EBF2: variants seen among roughly 807,000 people sequenced by gnomAD.
The protein encoded by EBF2 is transcription factor COE2.
In EBF2, 21 loss-of-function variants were observed where a neutral mutation model predicts 72.8. The ratio of observed to expected loss-of-function variants is 0.29; its 90% CI spans 0.20 to 0.42. The LOEUF (loss-of-function observed/expected upper bound fraction) is 0.42. EBF2 is among the 10% of genes least tolerant of loss of function. The pLI is 1.00. For missense variants in EBF2, 637 were observed against 731.2 expected, an observed-to-expected ratio of 0.87 and a Z score of 1.49; for synonymous variants, 299 against 274.2, an observed-to-expected ratio of 1.09 and a Z score of -0.89.
chr8:25,890,898 A>G (rs1274924816), intron 7 of EBF2, among the ~76,000 whole-genome samples: 1 of 152,220 alleles, frequency 6.6e-6, no homozygotes, highest in East Asian at 1.9e-4. Flanking sequence ...TAATACATAT[A>G]AAGGATTCAG....
intron 10 of EBF2, among the ~76,000 whole-genome samples, chr8:25,864,518 A>C (rs900584489): frequency 1.3e-5 from 2 of 151,952 alleles, no homozygotes; most frequent in Non-Finnish European, 1.5e-5. Flanking sequence ...ACACACACAC[A>C]CACACACAAA....
intron 5 of EBF2, among the ~76,000 whole-genome samples, chr8:26,038,364 G>C (rs535308857): frequency 6.6e-6 from 1 of 152,134 alleles, no homozygotes; most frequent in African/African-American, 2.4e-5. Context: ...TAAACTAGAG[G>C]CTTTAAAAAT....
rs191690745 is a variant in EBF2, at chr8:25,858,057, A to C, written c.1528+262T>G. The C allele has an allele frequency of 2.4e-3, 1,444 of 614,132 alleles. 20 individuals carry two copies. The highest frequency in any genetic ancestry group is 7.8e-3 in the South Asian group (517 of 65,892). 38.0% of individuals were successfully genotyped at this position (614,132 alleles called of 1,614,324 possible). A position where few individuals can be genotyped will look rare whatever the true frequency, so the allele number is the denominator to read the frequency against. On this transcript the variant is annotated intron_variant, in intron 14 of 15. Transcript: ENST00000520164. The stretch of plus-strand genomic sequence containing the variant: ...GAATCTTAATTCCTTGCTTCCACTT[A>C]CACAGGCCACACATGCTCTTTCTCT...
At chr8:26,041,776 G>A (rs1252013258) in intron 2 of EBF2, among the ~76,000 whole-genome samples, 1 of 152,192 alleles carries the variant, frequency 6.6e-6, no homozygotes, top group Non-Finnish European at 1.5e-5. Context: ...ACCCAGAGAA[G>A]GGGAGCGGCG....
intron 14 of EBF2, among the ~76,000 whole-genome samples, chr8:25,856,333 T>G (rs1802091134): frequency 6.6e-6 from 1 of 152,222 alleles, no homozygotes; most frequent in Non-Finnish European, 1.5e-5. Flanking sequence ...AGAGGGAATT[T>G]CCTATGGTTT....
At chr8:25,857,820 C>A (rs1312002158) in intron 14 of EBF2, among the ~76,000 whole-genome samples, 1 of 152,162 alleles carries the variant, frequency 6.6e-6, no homozygotes, top group Non-Finnish European at 1.5e-5. Context: ...GTGTGATACA[C>A]AAAATAACTC....
At chr8:25,997,268 G>C (rs547708092) in intron 6 of EBF2, among the ~76,000 whole-genome samples, 8 of 152,094 alleles carry the variant, frequency 5.3e-5, no homozygotes, top group Non-Finnish European at 8.8e-5. Flanking sequence ...TCATGCAATA[G>C]TTAAGAAAAA....
intron 10 of EBF2, among the ~76,000 whole-genome samples, chr8:25,880,161 C>A (rs995708059): frequency 6.6e-6 from 1 of 152,090 alleles, no homozygotes; most frequent in Admixed American, 6.6e-5. Context: ...AGGAATAAGT[C>A]TTTTTATACT....
At chr8:25,895,137 T>C (rs1802847050) in intron 7 of EBF2, among the ~76,000 whole-genome samples, 1 of 152,168 alleles carries the variant, frequency 6.6e-6, no homozygotes, top group Admixed American at 6.5e-5. Flanking sequence ...TTTCTTAGAG[T>C]TGATACATCT....
At chr8:25,925,940 T>C (rs1222230895) in intron 6 of EBF2, among the ~76,000 whole-genome samples, 1 of 152,168 alleles carries the variant, frequency 6.6e-6, no homozygotes, top group Non-Finnish European at 1.5e-5. Context: ...AGACTCTGAT[T>C]ATAAATATTG....
intron 14 of EBF2, 83 bp from the exon 15 acceptor site, chr8:25,850,844 T>C: frequency 6.9e-7 from 1 of 1,451,692 alleles, no homozygotes; most frequent in South Asian, 1.4e-5. Flanking sequence ...ATTGAGAAAT[T>C]GTTAATTTCC....
chr8:25,956,824 T>C (rs1409604672), intron 6 of EBF2, among the ~76,000 whole-genome samples: 1 of 152,204 alleles, frequency 6.6e-6, no homozygotes, highest in Non-Finnish European at 1.5e-5. Flanking sequence ...ATTTAAACAG[T>C]ATTCTCTCCC....
At chr8:26,041,165 T>C (rs1805593481) in intron 2 of EBF2, 163 bp from the exon 3 acceptor site, 1 of 747,900 alleles carries the variant, frequency 1.3e-6, no homozygotes, top group East Asian at 2.7e-5. Flanking sequence ...CATCTGCCTG[T>C]CCTTGGCCGC....
At chr8:25,845,147 C>T (rs2117240700) in intron 15 of EBF2, among the ~76,000 whole-genome samples, 1 of 152,114 alleles carries the variant, frequency 6.6e-6, no homozygotes. Context: ...ATTAGCTCAT[C>T]TTCCTTTGGT....
At chr8:25,976,983 T>G (rs989619854) in intron 6 of EBF2, among the ~76,000 whole-genome samples, 1 of 152,228 alleles carries the variant, frequency 6.6e-6, no homozygotes, top group Non-Finnish European at 1.5e-5. Context: ...TTTACCCAGC[T>G]GTAAGTGATT....
At chr8:25,912,498 A>ACAC (rs60144558) in intron 6 of EBF2, among the ~76,000 whole-genome samples, 2 of 134,068 alleles carry the variant, frequency 1.5e-5, no homozygotes, top group South Asian at 2.5e-4. Flanking sequence ...ACACACACAC[A>ACAC]ACAGGAAGAA....
intron 6 of EBF2, among the ~76,000 whole-genome samples, chr8:25,937,889 A>G (rs1803605122): frequency 6.6e-6 from 1 of 152,182 alleles, no homozygotes; most frequent in Non-Finnish European, 1.5e-5. Flanking sequence ...CATAATCTTC[A>G]AATAGCTGAG....
At chr8:25,989,985 C>T (rs997311831) in intron 6 of EBF2, among the ~76,000 whole-genome samples, 26 of 152,168 alleles carry the variant, frequency 1.7e-4, no homozygotes, top group Admixed American at 3.3e-4. Flanking sequence ...TCCCTAGTGG[C>T]TCTCTCCTGT....
Position 25,844,625 on chromosome 8 carries a change from A to G in EBF2, c.1712T>C (p.Val571Ala). 1.2e-6 allele frequency: 2 copies of G among 1,614,026 alleles called. No homozygotes were observed. Residue 571 changes from valine to alanine, a missense_variant, in exon 16 of 16, where the codon GTT becomes GCT. Val to Ala is a moderately conservative substitution (Grantham distance 64). Transcript: ENST00000520164. ...GNGFRAMTGL[V>A]VPPM is the part of the protein sequence containing the mutation. ...AGTTCTTCTTTACATCGGGGGTACA[A>G]CAAGTCCGGTCATGGCTGCAAGGAA...
Sources: gnomAD v4.1 joint callset for allele counts (sites outside exome capture counted in the v4.1 genomes callset) on GRCh38, gnomAD v4.1.1 for gene constraint, MANE v1.5 for transcripts, NCBI Gene and HGNC (gene_info 2026-07-23, HGNC 2026-07-21) for gene names.